Variants in TMEM62 observed in about 807,000 individuals in gnomAD.
TMEM62 encodes the protein transmembrane protein 62.
TMEM62 carries 41 observed loss-of-function variants against 70.4 expected under a neutral mutation model. That is an observed-to-expected ratio of 0.58 (90% CI 0.45 to 0.76). The LOEUF is 0.76. Ranked by LOEUF, TMEM62 falls within the 30% of genes least tolerant of loss-of-function variation. TMEM62 has a pLI of 0.00. For synonymous variants in TMEM62, 268 were observed against 291.0 expected (o/e 0.92, Z 0.80); for missense variants, 688 against 788.5 (o/e 0.87, Z 1.53).
chr15:43,170,842 C>T (rs1030424078), intron 11 of TMEM62, among the ~76,000 whole-genome samples: 18 of 152,186 alleles, frequency 1.2e-4, no homozygotes, highest in African/African-American at 4.3e-4. Context: ...AAACTAGTAC[C>T]TTGAGCAGGG....
chr15:43,157,877 T>C (rs2038232019), intron 9 of TMEM62, among the ~76,000 whole-genome samples: 2 of 152,208 alleles, frequency 1.3e-5, no homozygotes, highest in African/African-American at 2.4e-5. Flanking sequence ...TAAATAGATA[T>C]GTATATTTTC....
chr15:43,149,218 T>A (rs946411607), intron 7 of TMEM62, 67 bp downstream of exon 7: 160 of 1,535,392 alleles, frequency 1.0e-4, no homozygotes, highest in Non-Finnish European at 1.4e-4. Flanking sequence ...GATAGTTTTC[T>A]TACTGATATC....
At chr15:43,165,157 A>G (rs1353292352) in intron 10 of TMEM62, among the ~76,000 whole-genome samples, 3 of 151,630 alleles carry the variant, frequency 2.0e-5, no homozygotes, top group Non-Finnish European at 4.4e-5. Context: ...TCCTACTCTG[A>G]TCTCTCTCTG....
chr15:43,158,777 C>T (rs1250304026), intron 9 of TMEM62, among the ~76,000 whole-genome samples: 2 of 152,178 alleles, frequency 1.3e-5, no homozygotes, highest in Non-Finnish European at 2.9e-5. Flanking sequence ...TGCCCCTTTA[C>T]TAAAGCAGTT....
At chr15:43,135,463 C>T in intron 2 of TMEM62, 49 bp from the exon 3 acceptor site, 2 of 1,546,870 alleles carry the variant, frequency 1.3e-6, no homozygotes, top group Non-Finnish European at 1.7e-6. Context: ...AAATGGAACC[C>T]CCAGTAGTTT....
chr15:43,169,558 GT>G (rs1369753704), intron 10 of TMEM62, 34 bp from the exon 11 acceptor site: 1 of 1,564,952 alleles, frequency 6.4e-7, no homozygotes, highest in Admixed American at 1.7e-5. Context: ...GTGTACCCAT[GT>G]ATCTATTTCA....
intron 13 of TMEM62, among the ~76,000 whole-genome samples, chr15:43,183,203 CA>C (rs2041526733): frequency 6.6e-6 from 1 of 152,188 alleles, no homozygotes; most frequent in Non-Finnish European, 1.5e-5. Context: ...GATCTGCTTC[CA>C]ATGCATATCT....
intron 4 of TMEM62, among the ~76,000 whole-genome samples, chr15:43,142,797 G>A (rs2036218268): frequency 6.6e-6 from 1 of 151,446 alleles, no homozygotes; most frequent in Non-Finnish European, 1.5e-5. Context: ...AGCCTCTCGG[G>A]TAGCTGGGAC....
chr15:43,140,923 G>A (rs2035916811), intron 4 of TMEM62, among the ~76,000 whole-genome samples: 1 of 152,186 alleles, frequency 6.6e-6, no homozygotes, highest in South Asian at 2.1e-4. Flanking sequence ...TTGCCACCAG[G>A]AAGAAAGCTT....
chr15:43,146,422 C>T (rs2036663818), intron 4 of TMEM62, 71 bp from the exon 5 acceptor site: 12 of 1,395,922 alleles, frequency 8.6e-6, no homozygotes, highest in African/African-American at 1.4e-5. Flanking sequence ...TAAAATCTAG[C>T]GTATTAGGGA....
In TMEM62 at chr15:43,169,670, G is replaced by T. The variant is rs2039983027; in HGVS notation, c.1374G>T (p.Glu458Asp). The change falls in exon 11 of 14, where the codon GAG becomes GAT. Residue 458 changes from glutamate (E) to aspartate (D), a missense_variant. By Grantham distance (45) the Glu-to-Asp change is conservative. Coordinates refer to ENST00000260403, the MANE Select transcript of TMEM62 (RefSeq NM_024956.4). ...TTTTTAGATATCGAGGATACCCAGA[G>T]CTTAAAGGTTAGTTATGGTTCCTTT... ...LIIFRYRGYP[E>D]LKEPSGFINL... 6.2e-7 allele frequency: 1 copy of T among 1,613,638 alleles called. No homozygotes were observed. Among genetic ancestry groups the T allele is most frequent in the Non-Finnish European group, 8.5e-7 (1 of 1,179,632 alleles).
At chr15:43,135,137 G>A (rs572067742) in intron 2 of TMEM62, among the ~76,000 whole-genome samples, 1 of 152,318 alleles carries the variant, frequency 6.6e-6, no homozygotes, top group East Asian at 1.9e-4. Flanking sequence ...TGATTTTGTG[G>A]TTTGGAAAAT....
At chr15:43,166,889 A>G (rs1262312796) in intron 10 of TMEM62, among the ~76,000 whole-genome samples, 2 of 152,192 alleles carry the variant, frequency 1.3e-5, no homozygotes, top group Non-Finnish European at 2.9e-5. Context: ...AAGGCAGAAT[A>G]ATTTTTCTTA....
At position 43,178,724 on chromosome 15, in the gene TMEM62, G is replaced by A; in HGVS notation, c.1486+13G>A. 1 of 1,521,808 alleles carries A rather than the reference G, an allele frequency of 6.6e-7. No individual in the cohort carries two copies. Among genetic ancestry groups the A allele is most frequent in the Non-Finnish European group, 9.0e-7 (1 of 1,109,548 alleles). 94.3% of individuals were successfully genotyped at this position (1,521,808 alleles called of 1,614,324 possible). On this transcript the variant is annotated intron_variant, in intron 12 of 13. Transcript: ENST00000260403. ...TATACAGTGCTGGGTAAGTAAATTAGTACAGATTATGGGGAATTTTGCCAA... is the reference window on the plus strand; with the variant it reads ...TATACAGTGCTGGGTAAGTAAATTAATACAGATTATGGGGAATTTTGCCAA...
chr15:43,171,722 G>A (rs1322528118), intron 11 of TMEM62, among the ~76,000 whole-genome samples: 2 of 150,332 alleles, frequency 1.3e-5, no homozygotes, highest in African/African-American at 2.5e-5. Context: ...CTGCCTCCTG[G>A]GTTCATGCCA....
chr15:43,135,880 T>A (rs1045630649), intron 3 of TMEM62: 28 of 363,326 alleles, frequency 7.7e-5, no homozygotes, highest in Middle Eastern at 7.7e-4. Flanking sequence ...TGCTTCTTTT[T>A]TTATTATTAT....
rs569544863 is a variant in TMEM62 at position 43,177,063 on chromosome 15, G to A, written c.1382-1544G>A. Among the ~76,000 whole-genome samples the A allele has an allele frequency of 5.3e-5, 8 of 152,148 alleles. No homozygotes were observed. The South Asian group carries it at 8.3e-4, about 16-fold the overall frequency. On this transcript the variant is annotated intron_variant, in intron 11 of 13. Transcript: ENST00000260403. ...ATGTAGAAGCCTCAGGAGCCGATGC[G>A]ATCAACTGGAAGAAAGGGTATCAGC...
At chr15:43,154,940 AC>A (rs1486489449) in intron 9 of TMEM62, 109 bp downstream of exon 9, 21 of 1,049,896 alleles carry the variant, frequency 2.0e-5, no homozygotes, top group Non-Finnish European at 2.5e-5. Flanking sequence ...TTAAAAAAAA[AC>A]TGGGGGCCGG....
chr15:43,174,349 C>T (rs1284136060), intron 11 of TMEM62, among the ~76,000 whole-genome samples: 5 of 152,160 alleles, frequency 3.3e-5, no homozygotes, highest in Admixed American at 6.5e-5. Flanking sequence ...AATGATTAAA[C>T]AGTAACATGA....
Sources: gnomAD v4.1 joint callset for allele counts (sites outside exome capture counted in the v4.1 genomes callset) on GRCh38, gnomAD v4.1.1 for gene constraint, MANE v1.5 for transcripts, NCBI Gene and HGNC (gene_info 2026-07-23, HGNC 2026-07-21) for gene names.